Variants in C8orf34 observed in about 807,000 individuals in gnomAD.
The protein encoded by C8orf34 is chromosome 8 open reading frame 34.
In C8orf34, 65 loss-of-function variants were observed where a neutral mutation model predicts 68.3. That is an observed-to-expected ratio of 0.95 (90% confidence interval 0.78 to 1.17). The LOEUF (loss-of-function observed/expected upper bound fraction) is 1.17, where lower values mean the gene tolerates loss of function less well. Among genes scored for constraint, C8orf34 ranks in the 50% most tolerant of loss-of-function variants. The pLI, the probability that C8orf34 is intolerant of heterozygous loss-of-function variation, is 0.00. For synonymous variants in C8orf34, 244 were observed against 241.2 expected, an observed-to-expected ratio of 1.01 and a Z score of -0.11; for missense variants, 664 against 655.4, an observed-to-expected ratio of 1.01 and a Z score of -0.14.
At chr8:68,459,520 C>T (rs565097933) in intron 3 of C8orf34, among the ~76,000 whole-genome samples, 15 of 152,138 alleles carry the variant, frequency 9.9e-5, no homozygotes, top group South Asian at 8.3e-4. Flanking sequence ...CGTGAGCCAC[C>T]GTGCCCGGCT....
intron 7 of C8orf34, chr8:68,535,645 A>G (rs189726821): frequency 1.7e-4 from 116 of 679,858 alleles, no homozygotes; most frequent in Admixed American, 5.7e-4. Flanking sequence ...TTAATTATAT[A>G]TTTGTGGATT....
intron 8 of C8orf34, among the ~76,000 whole-genome samples, chr8:68,702,687 T>C (rs181014081): frequency 6.6e-6 from 1 of 152,238 alleles, no homozygotes; most frequent in Admixed American, 6.5e-5. Flanking sequence ...AATTGTTAAT[T>C]TGCTTATTTA....
chr8:68,577,723 C>T (rs1816947155), intron 7 of C8orf34, among the ~76,000 whole-genome samples: 2 of 151,382 alleles, frequency 1.3e-5, no homozygotes, highest in Admixed American at 1.3e-4. Context: ...GTAAACCCCA[C>T]ACAAGAAAAA....
intron 1 of C8orf34, among the ~76,000 whole-genome samples, chr8:68,392,500 T>C (rs971639343): frequency 6.6e-6 from 1 of 151,840 alleles, no homozygotes; most frequent in African/African-American, 2.4e-5. Context: ...TTAGTAACTT[T>C]TTTATATTTT....
At chr8:68,472,222 T>TA in intron 4 of C8orf34, among the ~76,000 whole-genome samples, 1 of 152,170 alleles carries the variant, frequency 6.6e-6, no homozygotes, top group Non-Finnish European at 1.5e-5. Context: ...GGGTTTTTGG[T>TA]GCCTTGAGCC....
intron 7 of C8orf34, chr8:68,534,748 G>T: frequency 1.0e-6 from 1 of 985,304 alleles, no homozygotes; most frequent in Non-Finnish European, 1.2e-6. Flanking sequence ...CAGGGAAGGG[G>T]CAACTGAGAT....
At chr8:68,400,735 A>G (rs117526863) in intron 1 of C8orf34, among the ~76,000 whole-genome samples, 196 of 152,022 alleles carry the variant, frequency 1.3e-3, no homozygotes, top group Middle Eastern at 3.4e-3. Flanking sequence ...TTATGTGTCT[A>G]TTTTTGTGTC....
intron 1 of C8orf34, among the ~76,000 whole-genome samples, chr8:68,385,481 T>C (rs1808222723): frequency 6.6e-6 from 1 of 152,194 alleles, no homozygotes; most frequent in South Asian, 2.1e-4. Flanking sequence ...ATAATAAAAT[T>C]ATACAATTTG....
intron 1 of C8orf34, among the ~76,000 whole-genome samples, chr8:68,369,349 T>C (rs1249046323): frequency 6.6e-6 from 1 of 152,214 alleles, no homozygotes; most frequent in African/African-American, 2.4e-5. Context: ...CATGCCATTT[T>C]AGCAGATGCC....
At chr8:68,706,914 A>G (rs913703062) in intron 8 of C8orf34, among the ~76,000 whole-genome samples, 1 of 152,138 alleles carries the variant, frequency 6.6e-6, no homozygotes, top group African/African-American at 2.4e-5. Context: ...GGGATGTGAT[A>G]TTCTTAGGTG....
chr8:68,428,034 A>G (rs1308088720), intron 1 of C8orf34, among the ~76,000 whole-genome samples: 1 of 150,664 alleles, frequency 6.6e-6, no homozygotes, highest in Non-Finnish European at 1.5e-5. Context: ...AATATTCCCT[A>G]GAAAAAGTCA....
intron 7 of C8orf34, 112 bp from the exon 8 acceptor site, chr8:68,640,264 A>T (rs1818964846): frequency 5.6e-6 from 5 of 893,170 alleles, no homozygotes; most frequent in Non-Finnish European, 6.8e-6. Flanking sequence ...TGCAAAGGGG[A>T]TATATATTGT....
chr8:68,632,666 C>A (rs1439683584), intron 7 of C8orf34, among the ~76,000 whole-genome samples: 1 of 152,126 alleles, frequency 6.6e-6, no homozygotes, highest in Non-Finnish European at 1.5e-5. Context: ...TTTTATGGGT[C>A]AGGCCAGGGC....
intron 7 of C8orf34, among the ~76,000 whole-genome samples, chr8:68,538,650 A>G (rs1815582313): frequency 6.6e-6 from 1 of 152,156 alleles, no homozygotes; most frequent in Non-Finnish European, 1.5e-5. Context: ...AACAGCAAAA[A>G]TGTATGTTTC....
intron 5 of C8orf34, among the ~76,000 whole-genome samples, chr8:68,506,930 G>T (rs1006623778): frequency 6.6e-6 from 1 of 151,820 alleles, no homozygotes. Context: ...CCATTGATAC[G>T]CATGCTTTTT....
At chr8:68,730,164 G>C (rs1043777794) in intron 10 of C8orf34, among the ~76,000 whole-genome samples, 1 of 152,088 alleles carries the variant, frequency 6.6e-6, no homozygotes, top group Non-Finnish European at 1.5e-5. Context: ...AGAAATGAAT[G>C]TTCATTATAA....
chr8:68,700,649 C>T (rs921187000), intron 8 of C8orf34, among the ~76,000 whole-genome samples: 1 of 152,062 alleles, frequency 6.6e-6, no homozygotes, highest in African/African-American at 2.4e-5. Flanking sequence ...TTCAGGAAGC[C>T]TGCAAAGTAA....
In C8orf34 at chr8:68,455,509, G is replaced by A. The variant is rs557566682; in HGVS notation, c.607+9049G>A. Among the ~76,000 whole-genome samples, 61 of 152,028 alleles carry A rather than the reference G, an allele frequency of 4.0e-4. 2 individuals are homozygous for A. Among genetic ancestry groups the A allele is most frequent in the South Asian group, 1.9e-3 (9 of 4,794 alleles). On this transcript the variant is annotated intron_variant, in intron 3 of 13. Transcript: ENST00000518698. ...AATGCCCTTCTTTGCCTCCTATAAT[G>A]ATTTTTGTCCTAAAATCTATTTTGT...
At chr8:68,525,837 G>C in intron 6 of C8orf34, 1 of 405,582 alleles carries the variant, frequency 2.5e-6, no homozygotes, top group South Asian at 2.3e-5. Context: ...ATAAGAACCT[G>C]GTGTTTGTCT....
Sources: gnomAD v4.1 joint callset for allele counts (sites outside exome capture counted in the v4.1 genomes callset) on GRCh38, gnomAD v4.1.1 for gene constraint, MANE v1.5 for transcripts, NCBI Gene and HGNC (gene_info 2026-07-23, HGNC 2026-07-21) for gene names.